The following CGREF1 variants were observed in gnomAD, a reference collection of about 807,000 sequenced individuals.
The protein encoded by CGREF1 is cell growth regulator with EF hand domain protein 1.
A neutral mutation model predicts 17.4 loss-of-function variants in CGREF1; 16 were observed. The ratio of observed to expected loss-of-function variants is 0.92; its 90% CI spans 0.62 to 1.40. CGREF1 has a LOEUF of 1.40. CGREF1 is among the 40% of genes most tolerant of loss of function. CGREF1 has a pLI of 0.00. For missense variants in CGREF1, 296 were observed against 376.4 expected, an observed-to-expected ratio of 0.79 and a Z score of 1.77; for synonymous variants, 142 against 154.6, an observed-to-expected ratio of 0.92 and a Z score of 0.61.
At chr2:27,114,842 T>C (rs1349527072) in intron 1 of CGREF1, among the ~76,000 whole-genome samples, 1 of 152,164 alleles carries the variant, frequency 6.6e-6, no homozygotes, top group Admixed American at 6.5e-5. Context: ...CTGAATGCAG[T>C]AGAAATGTGC....
At chr2:27,110,852 G>A (rs1671344168) in intron 1 of CGREF1, 3 of 152,650 alleles carry the variant, frequency 2.0e-5, no homozygotes, top group South Asian at 4.1e-4. Context: ...TGGTCTCGCT[G>A]GCTCAGGAAT....
chr2:27,107,676 T>C (rs1443131797), intron 1 of CGREF1, among the ~76,000 whole-genome samples: 1 of 151,206 alleles, frequency 6.6e-6, no homozygotes, highest in Non-Finnish European at 1.5e-5. Flanking sequence ...GGCTCATGCC[T>C]GTAGTCCCCG....
intron 1 of CGREF1, chr2:27,104,866 A>G: frequency 7.4e-7 from 1 of 1,353,616 alleles, no homozygotes; most frequent in African/African-American, 1.5e-5. Context: ...AAACCCACTG[A>G]AGAACAAATC....
At chr2:27,103,475 C>T (rs1028914184) in intron 2 of CGREF1, among the ~76,000 whole-genome samples, 6 of 151,900 alleles carry the variant, frequency 3.9e-5, no homozygotes, top group African/African-American at 7.3e-5. Context: ...CGGGTTCAAG[C>T]GATTCTCTTG....
intron 1 of CGREF1, among the ~76,000 whole-genome samples, chr2:27,114,018 CAG>C (rs1671487699): frequency 8.6e-6 from 1 of 116,774 alleles, no homozygotes; most frequent in Non-Finnish European, 1.6e-5. Context: ...TTTTTTGAGA[CAG>C]AGTCTCGCTC....
intron 1 of CGREF1, among the ~76,000 whole-genome samples, chr2:27,111,687 A>G (rs578109275): frequency 6.6e-6 from 1 of 152,314 alleles, no homozygotes; most frequent in South Asian, 2.1e-4. Context: ...GGCGAGAAGT[A>G]GAGCACAGCA....
chr2:27,099,758 T>A (rs1418034826), downstream of CGREF1: 10 of 1,613,440 alleles, frequency 6.2e-6, no homozygotes, highest in East Asian at 2.2e-4. Flanking sequence ...TGAGAGCAGG[T>A]GCCGGCTCCT....
rs180797843 is a variant in CGREF1 at position 27,110,117 on chromosome 2, G to T, written c.-11-5740C>A. On this transcript the variant is annotated intron_variant, in intron 1 of 5. Coordinates refer to ENST00000402394, the MANE Select transcript of CGREF1 (RefSeq NM_006569.6). Reference sequence around the variant, plus strand: ...TAATGCCTGTAATTCCAGCACTTTGGGAGGCCGAGGTGGGAGGATCACTTG... The same window carrying T: ...TAATGCCTGTAATTCCAGCACTTTGTGAGGCCGAGGTGGGAGGATCACTTG... Among the ~76,000 whole-genome samples the T allele has an allele frequency of 3.6e-3, 549 of 152,194 alleles. 6 individuals are homozygous for T. Among genetic ancestry groups the T allele is most frequent in the South Asian group, 6.8e-3 (33 of 4,818 alleles).
intron 1 of CGREF1, chr2:27,104,728 T>A: frequency 6.6e-7 from 1 of 1,526,104 alleles, no homozygotes; most frequent in African/African-American, 1.4e-5. Context: ...CTTCAGCCCA[T>A]TCATCTTACA....
chr2:27,102,725 C>T (rs1670951896), intron 2 of CGREF1, 134 bp from the exon 3 acceptor site: 1 of 1,057,922 alleles, frequency 9.5e-7, no homozygotes, highest in South Asian at 1.7e-5. Flanking sequence ...TCCAAAAACC[C>T]TGTAGTGGGG....
downstream of CGREF1, chr2:27,100,342 G>A (rs1670740977): frequency 1.0e-6 from 1 of 977,646 alleles, no homozygotes; most frequent in Non-Finnish European, 1.4e-6. Flanking sequence ...TGATTTGATG[G>A]GGTCTTCATT....
At chr2:27,116,039 C>A (rs1323318234) in intron 1 of CGREF1, among the ~76,000 whole-genome samples, 1 of 56,826 alleles carries the variant, frequency 1.8e-5, no homozygotes, top group Admixed American at 2.8e-4. Flanking sequence ...AAAATGAGAC[C>A]CCCCCCATCT....
chr2:27,113,695 T>C (rs1003749122), intron 1 of CGREF1, among the ~76,000 whole-genome samples: 1 of 152,182 alleles, frequency 6.6e-6, no homozygotes, highest in Non-Finnish European at 1.5e-5. Context: ...AATGCGGGGC[T>C]GACGAGAGCA....
Position 27,102,935 on chromosome 2 carries a change from C to T in CGREF1, c.81-344G>A, listed in dbSNP as rs377017851. 4.1e-6 allele frequency: 4 copies of T among 985,412 alleles called. No individual in the cohort carries two copies. The African/African-American group carries it at 5.2e-5, about 13-fold the overall frequency. 61.0% of individuals were successfully genotyped at this position (985,412 alleles called of 1,614,324 possible). On this transcript the variant is annotated intron_variant, in intron 2 of 5. Transcript: ENST00000402394. ...TGGCAGGACAACATGGGTCACAGAC[C>T]CCTCTCCTTCCATGCTGGGAGCCAA...
In CGREF1 at chr2:27,101,125, C is replaced by CT; in HGVS notation, c.*148dup. Reference sequence around the variant, plus strand: ...GGTAATCTGCCCCTTAACTTAGGGTCTCCCTGAGCTGCACAGAAAGACCTG... The same window carrying CT: ...GGTAATCTGCCCCTTAACTTAGGGTCTTCCCTGAGCTGCACAGAAAGACCTG... On this transcript the variant is annotated 3_prime_UTR_variant, in exon 6 of 6. Coordinates refer to ENST00000402394, the MANE Select transcript of CGREF1 (RefSeq NM_006569.6). 7.1e-7 allele frequency: 1 copy of CT among 1,415,232 alleles called. No homozygotes were observed. Among genetic ancestry groups the CT allele is most frequent in the South Asian group, 1.7e-5 (1 of 57,368 alleles). 87.7% of individuals were successfully genotyped at this position (1,415,232 alleles called of 1,614,324 possible).
At chr2:27,111,113 C>T (rs1171457973) in intron 1 of CGREF1, 1 of 152,286 alleles carries the variant, frequency 6.6e-6, no homozygotes, top group Non-Finnish European at 1.5e-5. Context: ...ACTACTGGCT[C>T]TGGCAGCCTG....
intron 1 of CGREF1, among the ~76,000 whole-genome samples, chr2:27,109,215 G>A (rs140079367): frequency 5.3e-4 from 81 of 151,686 alleles, no homozygotes; most frequent in African/African-American, 1.8e-3. Context: ...ACAAAAAATA[G>A]GAAAAAATTA....
intron 2 of CGREF1, among the ~76,000 whole-genome samples, chr2:27,103,384 T>TTC (rs1382603076): frequency 6.6e-6 from 1 of 151,288 alleles, no homozygotes; most frequent in Admixed American, 6.6e-5. Context: ...TAAGGTCTTT[T>TTC]TTTTTCTGAG....
chr2:27,103,752 A>C, intron 2 of CGREF1, among the ~76,000 whole-genome samples: 1 of 146,360 alleles, frequency 6.8e-6, no homozygotes, highest in East Asian at 2.3e-4. Flanking sequence ...TGAGAGGCCG[A>C]TGTGGGCGGA....
Sources: gnomAD v4.1 joint callset for allele counts (sites outside exome capture counted in the v4.1 genomes callset) on GRCh38, gnomAD v4.1.1 for gene constraint, MANE v1.5 for transcripts, NCBI Gene and HGNC (gene_info 2026-07-23, HGNC 2026-07-21) for gene names.